LRP2: variants seen among roughly 807,000 people sequenced by gnomAD.
LRP2 encodes low-density lipoprotein receptor-related protein 2.
Under a neutral mutation model 531.0 loss-of-function variants are expected in LRP2, and 172 were observed. The observed-to-expected ratio is 0.32, with a 90% CI of 0.29 to 0.37. The LOEUF is 0.37. Ranked by LOEUF, LRP2 falls within the 10% of genes least tolerant of loss-of-function variation. The probability of loss-of-function intolerance (pLI) is 1.00; values close to 1 mark genes in which losing one functional copy is unlikely to be tolerated. For synonymous variants in LRP2, 1,992 were observed against 2,027.6 expected (o/e 0.98, Z 0.47); for missense variants, 5,167 against 5,868.3 (o/e 0.88, Z 3.90).
Position 169,146,964 on chromosome 2 carries a change from A to G in LRP2, c.12591-5T>C. 6.2e-7 allele frequency: 1 copy of G among 1,601,950 alleles called. No homozygotes were observed. The highest frequency in any genetic ancestry group is 8.5e-7 in the Non-Finnish European group (1 of 1,171,618). ...CAGTCAGTCCAGAACATAAGCCTAT[A>G]ACAGAAGATTTCTTCACTGTAGCAT... On this transcript the variant is annotated splice_polypyrimidine_tract_variant and splice_region_variant and intron_variant, in intron 68 of 78. Coordinates refer to ENST00000649046, the MANE Select transcript of LRP2 (RefSeq NM_004525.3).
intron 46 of LRP2, among the ~76,000 whole-genome samples, chr2:169,194,901 A>G (rs549617310): frequency 2.0e-5 from 3 of 150,492 alleles, no homozygotes; most frequent in East Asian, 3.9e-4. Flanking sequence ...TAGTAGAGAC[A>G]GGTTTCACCA....
chr2:169,258,915 C>G (rs557313956), intron 17 of LRP2, 110 bp downstream of exon 17: 274 of 960,450 alleles, frequency 2.9e-4, no homozygotes, highest in Non-Finnish European at 4.3e-4. Flanking sequence ...TCAACTTATA[C>G]AGTTCAATCT....
chr2:169,201,997 G>A (rs899321528), intron 43 of LRP2, 127 bp from the exon 44 acceptor site: 13 of 1,130,970 alleles, frequency 1.1e-5, no homozygotes, highest in Non-Finnish European at 1.7e-5. Flanking sequence ...GCTGCAAAAT[G>A]GACTGCATGC....
intron 1 of LRP2, among the ~76,000 whole-genome samples, chr2:169,338,275 G>T (rs981861010): frequency 3.2e-5 from 4 of 124,464 alleles, no homozygotes; most frequent in Non-Finnish European, 5.0e-5. Flanking sequence ...GAAAGAAAGA[G>T]AAAGAAAGAA....
Position 169,205,643 on chromosome 2 carries a change from C to T in LRP2, c.7557-6G>A. On this transcript the variant is annotated splice_region_variant and splice_polypyrimidine_tract_variant and intron_variant, in intron 40 of 78. Coordinates refer to ENST00000649046, the MANE Select transcript of LRP2 (RefSeq NM_004525.3). ...AGTCAGCCCAGTACAGGTACCTAGT[C>T]ATACAAAAGGAGTCAATAATTAATT... 2 of 1,611,052 alleles carry T rather than the reference C, an allele frequency of 1.2e-6. No individual in the cohort carries two copies. The highest frequency in any genetic ancestry group is 1.7e-6 in the Non-Finnish European group (2 of 1,178,778).
rs753655780 is a variant in LRP2 at position 169,235,801 on chromosome 2, A to G, written c.4920+39T>C. 3.4e-6 allele frequency: 5 copies of G among 1,460,898 alleles called. No individual in the cohort carries two copies. In the African/African-American group the frequency reaches 7.0e-5, roughly 21 times the overall value. 90.5% of individuals were successfully genotyped at this position (1,460,898 alleles called of 1,614,324 possible). A position where few individuals can be genotyped will look rare whatever the true frequency, so the allele number is the denominator to read the frequency against. On this transcript the variant is annotated intron_variant, in intron 29 of 78. Coordinates refer to ENST00000649046, the MANE Select transcript of LRP2 (RefSeq NM_004525.3). ...CTCGTCTGATTTCTACCTATCCACG[A>G]CTGTAGTTTTAATTTGGTTTTCCTC... is the stretch of plus-strand genomic sequence containing the variant.
intron 30 of LRP2, among the ~76,000 whole-genome samples, chr2:169,233,188 A>G (rs1007505367): frequency 2.6e-5 from 4 of 152,210 alleles, no homozygotes; most frequent in South Asian, 2.1e-4. Context: ...GAAATGATAT[A>G]ATTCAGATGT....
At chr2:169,177,722 C>T (rs1687251357) in intron 53 of LRP2, 81 bp downstream of exon 53, 24 of 1,218,390 alleles carry the variant, frequency 2.0e-5, no homozygotes, top group Non-Finnish European at 2.4e-5. Context: ...TTTTGTAAAT[C>T]ACGAAGTTCA....
At chr2:169,153,554 A>G (rs964267802) in intron 66 of LRP2, among the ~76,000 whole-genome samples, 1 of 152,236 alleles carries the variant, frequency 6.6e-6, no homozygotes, top group African/African-American at 2.4e-5. Flanking sequence ...CTACATTGGT[A>G]TAGTTATTGA....
At chr2:169,294,359 T>C in intron 5 of LRP2, 98 bp from the exon 6 acceptor site, 1 of 837,784 alleles carries the variant, frequency 1.2e-6, no homozygotes, top group South Asian at 1.4e-5. Context: ...TAAAAAGGGA[T>C]TCTTATTAAG....
At chr2:169,213,972 G>T in intron 35 of LRP2, 102 bp from the exon 36 acceptor site, 1 of 797,194 alleles carries the variant, frequency 1.3e-6, no homozygotes, top group Non-Finnish European at 2.2e-6. Flanking sequence ...CATTTATACA[G>T]CCCTCTATCC....
intron 8 of LRP2, 85 bp from the exon 9 acceptor site, chr2:169,289,230 G>A (rs1683939256): frequency 2.0e-6 from 3 of 1,529,978 alleles, no homozygotes; most frequent in Non-Finnish European, 1.8e-6. Context: ...TCCATGAGTA[G>A]CAGCTCAGTA....
rs763950018 is a variant in LRP2, at chr2:169,142,805, G to A, written c.12989-12C>T. 1 of 1,613,742 alleles carries A rather than the reference G, an allele frequency of 6.2e-7. No individual in the cohort carries two copies. ...GCAAAGGTTGGGCACTGGAAAGCGG[G>A]TGAGAACAGCAGTTAGGTCCTGACA... On this transcript the variant is annotated splice_polypyrimidine_tract_variant and intron_variant, in intron 70 of 78. Coordinates refer to ENST00000649046, the MANE Select transcript of LRP2 (RefSeq NM_004525.3).
At chr2:169,301,127 G>C (rs1684275457) in intron 4 of LRP2, among the ~76,000 whole-genome samples, 1 of 152,038 alleles carries the variant, frequency 6.6e-6, no homozygotes, top group South Asian at 2.1e-4. Context: ...AGTAACAAAA[G>C]AGAAGTGCTG....
In LRP2 at chr2:169,177,876, A is replaced by G; in HGVS notation, c.10320T>C (p.Asn3440=). The change falls in exon 53 of 79, where the codon AAT becomes AAC. Residue 3440 remains asparagine (N), a synonymous_variant. Transcript: ENST00000649046. ...VEKGNKYDGS[N]RQTLVNTTHR... ...GTGTTGTGTTCACCAGTGTCTGTCTATTTGATCCATCATATTTGTTTCCCT... is the reference window on the plus strand; with the variant it reads ...GTGTTGTGTTCACCAGTGTCTGTCTGTTTGATCCATCATATTTGTTTCCCT... 3 of 1,614,224 alleles carry G rather than the reference A, an allele frequency of 1.9e-6. No individual in the cohort carries two copies. The highest frequency in any genetic ancestry group is 2.5e-6 in the Non-Finnish European group (3 of 1,180,034).
chr2:169,323,449 A>G (rs1048776253), intron 1 of LRP2, among the ~76,000 whole-genome samples: 1 of 152,196 alleles, frequency 6.6e-6, no homozygotes, highest in Non-Finnish European at 1.5e-5. Flanking sequence ...TAAACCAAAA[A>G]TAAACCACTA....
chr2:169,191,340 A>T (rs1193062592), intron 48 of LRP2, among the ~76,000 whole-genome samples: 1 of 152,130 alleles, frequency 6.6e-6, no homozygotes, highest in African/African-American at 2.4e-5. Context: ...AGAGTGAAAC[A>T]GTTCTTGTAA....
At chr2:169,244,654 C>A (rs371932690) in intron 22 of LRP2, 39 bp downstream of exon 22, 17 of 1,613,750 alleles carry the variant, frequency 1.1e-5, no homozygotes, top group Non-Finnish European at 1.4e-5. Context: ...AGTCTATTTA[C>A]GAGGCTGACC....
At chr2:169,261,358 A>G (rs972998571) in intron 16 of LRP2, among the ~76,000 whole-genome samples, 1 of 151,952 alleles carries the variant, frequency 6.6e-6, no homozygotes, top group Non-Finnish European at 1.5e-5. Flanking sequence ...CTTTAGAGAC[A>G]GGTCTTACCT....
Sources: allele counts gnomAD v4.1 joint callset (sites outside exome capture counted in the v4.1 genomes callset), GRCh38; gene constraint gnomAD v4.1.1; transcripts MANE v1.5; gene names NCBI Gene and HGNC (gene_info 2026-07-23, HGNC 2026-07-21).